Variants in COL15A1 observed in about 807,000 individuals in gnomAD.
The protein encoded by COL15A1 is collagen type XV alpha 1 chain, also known as collagen alpha-1(XV) chain.
A neutral mutation model predicts 165.9 loss-of-function variants in COL15A1; 111 were observed. The observed-to-expected ratio is 0.67, with a 90% confidence interval of 0.57 to 0.78. The LOEUF (loss-of-function observed/expected upper bound fraction) is 0.78. Among genes scored for constraint, COL15A1 ranks in the 30% least tolerant of loss-of-function variants. The pLI, the probability that COL15A1 is intolerant of heterozygous loss-of-function variation, is 0.00. For synonymous variants in COL15A1, 659 were observed against 674.8 expected (o/e 0.98, Z 0.36); for missense variants, 1,745 against 1,789.7 (o/e 0.98, Z 0.45).
chr9:98,967,897 C>T (rs1472201385), intron 2 of COL15A1, among the ~76,000 whole-genome samples: 2 of 152,258 alleles, frequency 1.3e-5, no homozygotes, highest in African/African-American at 4.8e-5. Context: ...GGTTAAAACA[C>T]AGGGTGCTGG....
chr9:99,034,586 T>TTAAA lies in COL15A1; in HGVS notation c.2079+2_2079+3insTAAA. 9.3e-7 allele frequency: 1 copy of TTAAA among 1,073,434 alleles called. No homozygotes were observed. The highest frequency in any genetic ancestry group is 4.1e-5 in the East Asian group (1 of 24,652). The allele number at this position is 1,073,434 out of a possible 1,614,324, so 66.5% of individuals were successfully genotyped here. A position where few individuals can be genotyped will look rare whatever the true frequency, so the allele number is the denominator to read the frequency against. On this transcript the variant is annotated splice_region_variant and intron_variant, in intron 17 of 41. Transcript: ENST00000375001. ...CCTAATGGCTCAGTTGGTGAAAAGG[T>TTAAA]AAAAAAAAAAAAAAAAAAAAAAAAA... is the stretch of plus-strand genomic sequence containing the variant.
chr9:99,058,451 GC>G (rs1292703988), intron 35 of COL15A1, among the ~76,000 whole-genome samples: 1 of 152,188 alleles, frequency 6.6e-6, no homozygotes, highest in Non-Finnish European at 1.5e-5. Flanking sequence ...AACCACAGGT[GC>G]CCACACAGCC....
At chr9:99,005,735 C>T (rs1206748039) in intron 9 of COL15A1, among the ~76,000 whole-genome samples, 1 of 152,208 alleles carries the variant, frequency 6.6e-6, no homozygotes, top group Non-Finnish European at 1.5e-5. Flanking sequence ...TCATGAATCG[C>T]CGGCTCTGTC....
intron 7 of COL15A1, among the ~76,000 whole-genome samples, 153 bp downstream of exon 7, chr9:99,001,104 G>A (rs1838645072): frequency 6.6e-6 from 1 of 152,196 alleles, no homozygotes; most frequent in African/African-American, 2.4e-5. Context: ...TACAGAGGAG[G>A]TCAGAGTCCC....
intron 5 of COL15A1, among the ~76,000 whole-genome samples, chr9:98,992,280 T>C (rs1769412792): frequency 6.6e-6 from 1 of 152,194 alleles, no homozygotes; most frequent in African/African-American, 2.4e-5. Flanking sequence ...CAGTGAGAAT[T>C]CGAGAGCAGT....
chr9:98,988,057 T>G (rs556005542), intron 4 of COL15A1, among the ~76,000 whole-genome samples: 27 of 151,056 alleles, frequency 1.8e-4, no homozygotes, highest in Non-Finnish European at 2.8e-4. Context: ...ATGACAAGGG[T>G]GAGGCCTCCC....
chr9:98,995,953 A>G (rs544173639), intron 5 of COL15A1, among the ~76,000 whole-genome samples: 3 of 152,336 alleles, frequency 2.0e-5, no homozygotes, highest in South Asian at 4.1e-4. Flanking sequence ...AACTAAGCTT[A>G]TAAGTGGAGA....
At chr9:99,035,306 C>T (rs1839281882) in intron 18 of COL15A1, 44 bp from the exon 19 acceptor site, 1 of 1,613,260 alleles carries the variant, frequency 6.2e-7, no homozygotes, top group Non-Finnish European at 8.5e-7. Context: ...CAAGTAGGTG[C>T]CCAGGAACTG....
chr9:99,005,072 A>G, intron 9 of COL15A1, 22 bp downstream of exon 9: 1 of 1,564,504 alleles, frequency 6.4e-7, no homozygotes, highest in Non-Finnish European at 8.6e-7. Flanking sequence ...ACAGTGCCCA[A>G]AGGTTGAGGT....
chr9:98,951,940 CT>C (rs1168968479), intron 2 of COL15A1, among the ~76,000 whole-genome samples: 2 of 152,218 alleles, frequency 1.3e-5, no homozygotes, highest in African/African-American at 4.8e-5. Flanking sequence ...CTCTGGGAAG[CT>C]GTCTCTCCTC....
At chr9:99,065,244 C>T (rs1405334362) in intron 39 of COL15A1, among the ~76,000 whole-genome samples, 6 of 152,176 alleles carry the variant, frequency 3.9e-5, no homozygotes, top group African/African-American at 1.4e-4. Flanking sequence ...CCTGCAGTTG[C>T]CCCCTGCCTG....
At chr9:99,027,318 C>T (rs574210111) in intron 16 of COL15A1, among the ~76,000 whole-genome samples, 24 of 152,282 alleles carry the variant, frequency 1.6e-4, no homozygotes, top group African/African-American at 5.5e-4. Context: ...GTAGACACCA[C>T]CATCATCACT....
chr9:99,034,553 C>G lies in COL15A1; in HGVS notation c.2048C>G (p.Ala683Gly). 1 of 1,443,022 alleles carries G rather than the reference C, an allele frequency of 6.9e-7. No homozygotes were observed. Among genetic ancestry groups the G allele is most frequent in the Non-Finnish European group, 9.1e-7 (1 of 1,098,838 alleles). The allele number at this position is 1,443,022 out of a possible 1,614,324, so 89.4% of individuals were successfully genotyped here. ...TTTTGTTTTTGTTTTTTTCAGGGAGCAAGAGGGCCTAATGGCTCAGTTGGT... is the reference window on the plus strand; with the variant it reads ...TTTTGTTTTTGTTTTTTTCAGGGAGGAAGAGGGCCTAATGGCTCAGTTGGT... Reference protein sequence around the residue: ...GLPGMKGEKGARGPNGSVGEK... With the variant: ...GLPGMKGEKGGRGPNGSVGEK... Residue 683 changes from alanine (A) to glycine (G), a missense_variant, in exon 17 of 42, where the codon GCA becomes GGA. Coordinates refer to ENST00000375001, the MANE Select transcript of COL15A1 (RefSeq NM_001855.5).
chr9:99,006,399 A>G (rs1838763614), intron 9 of COL15A1, among the ~76,000 whole-genome samples: 1 of 152,254 alleles, frequency 6.6e-6, no homozygotes, highest in African/African-American at 2.4e-5. Flanking sequence ...GGCTGGGGTC[A>G]TCAGGACATC....
chr9:99,060,252 A>ATT (rs1267987537), intron 36 of COL15A1, among the ~76,000 whole-genome samples: 73 of 132,138 alleles, frequency 5.5e-4, no homozygotes, highest in African/African-American at 2.3e-3. Context: ...ATATATATAT[A>ATT]TATATTTTTT....
intron 2 of COL15A1, among the ~76,000 whole-genome samples, chr9:98,970,045 A>T (rs1416879430): frequency 2.1e-4 from 9 of 43,232 alleles, no homozygotes; most frequent in East Asian, 1.8e-3. Context: ...TAGTAGTTTA[A>T]AAAAAAAAAA....
At chr9:98,948,711 G>A (rs1447905638) in intron 2 of COL15A1, among the ~76,000 whole-genome samples, 1 of 151,956 alleles carries the variant, frequency 6.6e-6, no homozygotes, top group Non-Finnish European at 1.5e-5. Flanking sequence ...TCCTTTTCCT[G>A]GTAAAGTTTC....
chr9:99,038,715 T>G lies in COL15A1; in HGVS notation c.2457T>G (p.Pro819=). The G allele has an allele frequency of 6.2e-7, 1 of 1,610,178 alleles. No individual in the cohort carries two copies. Among genetic ancestry groups the G allele is most frequent in the Non-Finnish European group, 8.5e-7 (1 of 1,176,362 alleles). Reference sequence around the variant, plus strand: ...GATTCATGAATTTCTCGGACATTCCTGAGCTGGTGGGGCCTCCGGTTGGTA... The same window carrying G: ...GATTCATGAATTTCTCGGACATTCCGGAGCTGGTGGGGCCTCCGGTTGGTA... ...THGFMNFSDI[P]ELVGPPGPDG... Residue 819 remains proline (P), a synonymous_variant, in exon 22 of 42, where the codon CCT becomes CCG. Transcript: ENST00000375001.
chr9:98,990,080 C>T (rs867296005), intron 5 of COL15A1, among the ~76,000 whole-genome samples: 7 of 152,244 alleles, frequency 4.6e-5, no homozygotes, highest in African/African-American at 1.7e-4. Flanking sequence ...CTGGAGATTA[C>T]AGACCTTGGG....
Sources: allele counts gnomAD v4.1 joint callset (sites outside exome capture counted in the v4.1 genomes callset), GRCh38; gene constraint gnomAD v4.1.1; transcripts MANE v1.5; gene names NCBI Gene and HGNC (gene_info 2026-07-23, HGNC 2026-07-21).